Variants in GKAP1 observed in about 807,000 individuals in gnomAD.
GKAP1 encodes the protein G kinase-anchoring protein 1.
In GKAP1, 31 loss-of-function variants were observed where a neutral mutation model predicts 56.7. The observed-to-expected ratio is 0.55, with a 90% CI of 0.41 to 0.74. The LOEUF (loss-of-function observed/expected upper bound fraction) is 0.74. GKAP1 is among the 30% of genes least tolerant of loss of function. The pLI is 0.00. For synonymous variants in GKAP1, 151 were observed against 138.6 expected (o/e 1.09, Z -0.63); for missense variants, 364 against 402.3 (o/e 0.90, Z 0.82).
At chr9:83,745,933 G>C (rs550079450) in intron 10 of GKAP1, among the ~76,000 whole-genome samples, 8 of 152,048 alleles carry the variant, frequency 5.3e-5, no homozygotes, top group African/African-American at 1.7e-4. Flanking sequence ...TGGGATTATA[G>C]GCAAGCACCA....
At chr9:83,740,787 T>G (rs1943193129) in intron 12 of GKAP1, among the ~76,000 whole-genome samples, 1 of 152,174 alleles carries the variant, frequency 6.6e-6, no homozygotes, top group East Asian at 1.9e-4. Context: ...CAGGGGCATA[T>G]GGAGCTCAGA....
At chr9:83,795,535 C>T (rs1258810358) in intron 4 of GKAP1, among the ~76,000 whole-genome samples, 1 of 148,684 alleles carries the variant, frequency 6.7e-6, no homozygotes, top group Non-Finnish European at 1.5e-5. Flanking sequence ...GAAAAATTTG[C>T]AGAAAGGATA....
chr9:83,810,452 C>T (rs1026454228), intron 2 of GKAP1, among the ~76,000 whole-genome samples: 14 of 152,208 alleles, frequency 9.2e-5, no homozygotes, highest in Non-Finnish European at 7.3e-5. Flanking sequence ...AGTATCTTTC[C>T]TATAAATTTA....
At chr9:83,775,080 C>T (rs1370710038) in intron 7 of GKAP1, among the ~76,000 whole-genome samples, 1 of 151,330 alleles carries the variant, frequency 6.6e-6, no homozygotes, top group Admixed American at 6.6e-5. Flanking sequence ...GCTATCATAG[C>T]TCATCCTGGA....
chr9:83,791,437 T>C (rs1944158754), intron 4 of GKAP1, among the ~76,000 whole-genome samples: 2 of 151,948 alleles, frequency 1.3e-5, no homozygotes, highest in African/African-American at 4.8e-5. Flanking sequence ...ATAGAAATTT[T>C]AAAGTAAAAA....
intron 8 of GKAP1, among the ~76,000 whole-genome samples, chr9:83,760,802 A>G (rs1286536518): frequency 7.9e-5 from 12 of 152,198 alleles, no homozygotes; most frequent in Non-Finnish European, 1.6e-4. Context: ...AGGAAACTGA[A>G]AAATTTCTTG....
In GKAP1 at chr9:83,739,712, G is replaced by A. The variant is rs369376225; in HGVS notation, c.1086C>T (p.Ser362=). 1.1e-5 allele frequency: 18 copies of A among 1,608,024 alleles called. No individual in the cohort carries two copies. The highest frequency in any genetic ancestry group is 4.0e-5 in the African/African-American group (3 of 74,086). The change falls in exon 13 of 13, where the codon TCC becomes TCT. Residue 362 remains serine (S), a synonymous_variant. Transcript: ENST00000376371. The stretch of plus-strand genomic sequence containing the variant: ...GCTAATGTAATCACCTACACTGGTC[G>A]GATTCAGAGTTTCTTTTCCCTTTTC... ...GGRKGKRNSE[S]DQCR is the part of the protein sequence containing the mutation.
rs778963072 is a variant in GKAP1 at position 83,739,660 on chromosome 9, G to A, written c.*37C>T. The A allele has an allele frequency of 1.9e-6, 3 of 1,555,530 alleles. No homozygotes were observed. The highest frequency in any genetic ancestry group is 2.8e-5 in the African/African-American group (2 of 72,460). ...TATACAACTTTGCAAAATCCTGGAA[G>A]TTTTAAACTTTGTGTTGACTTCAAA... On this transcript the variant is annotated 3_prime_UTR_variant, in exon 13 of 13. Transcript: ENST00000376371.
intron 10 of GKAP1, among the ~76,000 whole-genome samples, chr9:83,746,315 G>A (rs544914201): frequency 1.4e-4 from 21 of 152,166 alleles, no homozygotes; most frequent in African/African-American, 5.1e-4. Context: ...GACATCCCGA[G>A]GACACCAAAA....
intron 2 of GKAP1, among the ~76,000 whole-genome samples, chr9:83,806,968 T>C (rs968578793): frequency 2.6e-5 from 4 of 151,920 alleles, no homozygotes; most frequent in African/African-American, 7.3e-5. Flanking sequence ...CAACTTCCAA[T>C]ACAAGAAAAA....
intron 10 of GKAP1, among the ~76,000 whole-genome samples, chr9:83,747,786 A>G (rs1009099722): frequency 6.6e-6 from 1 of 151,970 alleles, no homozygotes; most frequent in Non-Finnish European, 1.5e-5. Flanking sequence ...ACAGGTGTGC[A>G]CTACCACACC....
intron 5 of GKAP1, 30 bp downstream of exon 5, chr9:83,788,571 A>AGT (rs1207721420): frequency 7.8e-7 from 1 of 1,286,768 alleles, no homozygotes; most frequent in South Asian, 1.4e-5. Flanking sequence ...TAAACTTCTA[A>AGT]AATATCTAAA....
At chr9:83,755,255 T>TA (rs1479556780) in intron 8 of GKAP1, among the ~76,000 whole-genome samples, 1 of 152,158 alleles carries the variant, frequency 6.6e-6, no homozygotes, top group African/African-American at 2.4e-5. Flanking sequence ...AACAATAGGA[T>TA]ATAGGTTAAA....
At chr9:83,780,295 G>C in intron 7 of GKAP1, 87 bp downstream of exon 7, 1 of 770,714 alleles carries the variant, frequency 1.3e-6, no homozygotes, top group Non-Finnish European at 2.1e-6. Context: ...AAATGATTAT[G>C]TCTCAAAAAA....
chr9:83,765,486 C>G (rs894376530), intron 8 of GKAP1, among the ~76,000 whole-genome samples: 1 of 152,174 alleles, frequency 6.6e-6, no homozygotes, highest in Non-Finnish European at 1.5e-5. Flanking sequence ...GTCCTCCAGC[C>G]CCCAGAATGG....
At chr9:83,808,659 A>G (rs1266286137) in intron 2 of GKAP1, among the ~76,000 whole-genome samples, 2 of 152,204 alleles carry the variant, frequency 1.3e-5, no homozygotes, top group Admixed American at 6.5e-5. Flanking sequence ...CAATTATCCT[A>G]CATAGTTGTT....
At position 83,768,988 on chromosome 9, in the gene GKAP1, C is replaced by A. The variant is rs367821770; in HGVS notation, c.586-18G>T. 3.8e-6 allele frequency: 6 copies of A among 1,597,126 alleles called. No homozygotes were observed. In the African/African-American group the frequency reaches 8.1e-5, roughly 21 times the overall value. On this transcript the variant is annotated intron_variant, in intron 7 of 12. Coordinates refer to ENST00000376371, the MANE Select transcript of GKAP1 (RefSeq NM_025211.4). The stretch of plus-strand genomic sequence containing the variant: ...CTCAATTCCTGTCAAAAATGAATTA[C>A]GATTTACTATCATTCAACATGCACT...
chr9:83,776,129 T>C (rs1216679525), intron 7 of GKAP1, among the ~76,000 whole-genome samples: 1 of 152,108 alleles, frequency 6.6e-6, no homozygotes, highest in Non-Finnish European at 1.5e-5. Flanking sequence ...CCCCCTATTC[T>C]TCCATGATGT....
intron 6 of GKAP1, among the ~76,000 whole-genome samples, 161 bp from the exon 7 acceptor site, chr9:83,780,565 T>C (rs1943954760): frequency 2.0e-5 from 3 of 152,088 alleles, no homozygotes; most frequent in Admixed American, 2.0e-4. Context: ...TCTGATTTAC[T>C]TTTCTAGGTT....
Sources: gnomAD v4.1 joint callset for allele counts (sites outside exome capture counted in the v4.1 genomes callset) on GRCh38, gnomAD v4.1.1 for gene constraint, MANE v1.5 for transcripts, NCBI Gene and HGNC (gene_info 2026-07-23, HGNC 2026-07-21) for gene names.